SMARCA2: variants seen among roughly 807,000 people sequenced by gnomAD.
SMARCA2 encodes SWI/SNF-related matrix-associated actin-dependent regulator of chromatin subfamily A member 2.
In SMARCA2, 61 loss-of-function variants were observed where a neutral mutation model predicts 199.8. That is an observed-to-expected ratio of 0.31 (90% CI 0.25 to 0.38). The LOEUF is 0.38. Among genes scored for constraint, SMARCA2 ranks in the 10% least tolerant of loss-of-function variants. The pLI is 1.00. For synonymous variants in SMARCA2, 935 were observed against 732.0 expected, an observed-to-expected ratio of 1.28 and a Z score of -4.48; for missense variants, 1,344 against 2,012.2, an observed-to-expected ratio of 0.67 and a Z score of 6.35.
intron 4 of SMARCA2, chr9:2,044,504 A>C (rs980341267): frequency 6.6e-6 from 1 of 152,246 alleles, no homozygotes; most frequent in East Asian, 1.9e-4. Flanking sequence ...AGCTGAGTCA[A>C]TTAGGCTTCT....
At chr9:2,181,878 G>C (rs776681313) in intron 30 of SMARCA2, among the ~76,000 whole-genome samples, 1 of 152,130 alleles carries the variant, frequency 6.6e-6, no homozygotes, top group Non-Finnish European at 1.5e-5. Flanking sequence ...TTATTGAAGA[G>C]CTTTCAGGCT....
chr9:2,102,131 AAG>A (rs1822543515), intron 22 of SMARCA2, among the ~76,000 whole-genome samples: 1 of 134,614 alleles, frequency 7.4e-6, no homozygotes, highest in Admixed American at 7.7e-5. Context: ...CATTAACAGA[AAG>A]TGTGTGTGTG....
intron 23 of SMARCA2, among the ~76,000 whole-genome samples, chr9:2,106,983 A>G (rs1822779781): frequency 6.6e-6 from 1 of 152,240 alleles, no homozygotes; most frequent in Non-Finnish European, 1.5e-5. Flanking sequence ...CTGAAAGACC[A>G]TGAAACTGAT....
chr9:2,054,069 G>C (rs1309172132), intron 5 of SMARCA2, among the ~76,000 whole-genome samples: 1 of 152,138 alleles, frequency 6.6e-6, no homozygotes, highest in African/African-American at 2.4e-5. Flanking sequence ...GAATGTTTAG[G>C]GTTGGCTGAT....
intron 12 of SMARCA2, 107 bp downstream of exon 12, chr9:2,073,730 C>G: frequency 3.8e-6 from 3 of 794,874 alleles, no homozygotes; most frequent in Non-Finnish European, 6.3e-6. Context: ...ATTTCTTCCT[C>G]CAGGATTGGC....
intron 28 of SMARCA2, among the ~76,000 whole-genome samples, chr9:2,168,725 T>A (rs928596344): frequency 6.6e-6 from 1 of 152,222 alleles, no homozygotes. Context: ...TAGTTATTAT[T>A]TTTTGTTGCT....
intron 19 of SMARCA2, among the ~76,000 whole-genome samples, chr9:2,089,791 G>A (rs1477393243): frequency 6.6e-6 from 1 of 152,136 alleles, no homozygotes; most frequent in African/African-American, 2.4e-5. Context: ...TGATGAATGG[G>A]TATAGTGGCC....
Position 2,086,510 on chromosome 9 carries a change from C to T in SMARCA2, c.2527-319C>T, listed in dbSNP as rs552848637. Reference sequence around the variant, plus strand: ...CATGATAACGTATTAATAGAAGGGGCATTGGATGGGGAGAGGCAGGATCCA... The same window carrying T: ...CATGATAACGTATTAATAGAAGGGGTATTGGATGGGGAGAGGCAGGATCCA... On this transcript the variant is annotated intron_variant, in intron 17 of 33. Coordinates refer to ENST00000349721, the MANE Select transcript of SMARCA2 (RefSeq NM_003070.5). This position sits in a 1 kb window ranked among gnomAD's most constrained non-coding sequence, Gnocchi z 4.3. Among the ~76,000 whole-genome samples the T allele has an allele frequency of 6.6e-6, 1 of 152,196 alleles. No individual in the cohort carries two copies. Among genetic ancestry groups the T allele is most frequent in the African/African-American group, 2.4e-5 (1 of 41,520 alleles).
Position 2,123,794 on chromosome 9 carries a change from C to T in SMARCA2, c.3838C>T (p.Leu1280=). The T allele has an allele frequency of 6.2e-7, 1 of 1,613,794 alleles. No homozygotes were observed. The highest frequency in any genetic ancestry group is 8.5e-7 in the Non-Finnish European group (1 of 1,179,828). Residue 1280 remains leucine, a synonymous_variant, in exon 27 of 34, where the codon CTG becomes TTG. Transcript: ENST00000349721. This position sits in a 1 kb window ranked among gnomAD's most constrained non-coding sequence, Gnocchi z 4.1. ...GCCCCGTTTAATGGAGGAGGATGAG[C>T]TGCCCTCCTGGATCATTAAGGATGA... The part of the protein sequence containing the change: ...RKPRLMEEDE[L]PSWIIKDDAE...
intron 27 of SMARCA2, among the ~76,000 whole-genome samples, chr9:2,157,482 A>C (rs1170895966): frequency 6.6e-6 from 1 of 152,202 alleles, no homozygotes; most frequent in Admixed American, 6.5e-5. Flanking sequence ...AGGGAGGAGG[A>C]TCCCCAGAGG....
intron 9 of SMARCA2, among the ~76,000 whole-genome samples, chr9:2,070,158 G>T (rs958517208): frequency 1.3e-5 from 2 of 152,118 alleles, no homozygotes; most frequent in Non-Finnish European, 1.5e-5. Context: ...AGCTCTTTGG[G>T]TCCCTGAAGA....
At chr9:2,019,306 G>A (rs1269373425) in intron 1 of SMARCA2, among the ~76,000 whole-genome samples, 2 of 152,164 alleles carry the variant, frequency 1.3e-5, no homozygotes, top group African/African-American at 2.4e-5. Flanking sequence ...TTTCTCTTAT[G>A]ACTTATATCA....
intron 1 of SMARCA2, among the ~76,000 whole-genome samples, chr9:2,027,450 A>G (rs1159880020): frequency 6.6e-6 from 1 of 152,234 alleles, no homozygotes; most frequent in African/African-American, 2.4e-5. Context: ...TAAAAATATG[A>G]AAAATTAAAA....
At position 2,070,418 on chromosome 9, in the gene SMARCA2, A is replaced by T; in HGVS notation, c.1693A>T (p.Lys565Ter). ...EKKKRRRRKKKAEENAEGGES... is the reference protein window; with the variant it reads ...EKKKRRRRKK ...AACATTCGACATTGTTGTTTTGCAG[A>T]AGGCTGAGGAGAATGCAGAGGGTGG... Residue 565 changes from lysine (K) to a stop codon, truncating the protein, a stop_gained and splice_region_variant, in exon 10 of 34, where the codon AAG becomes TAG. Coordinates refer to ENST00000349721, the MANE Select transcript of SMARCA2 (RefSeq NM_003070.5). LOFTEE classifies it high-confidence loss of function. 6.2e-7 allele frequency: 1 copy of T among 1,613,774 alleles called. No individual in the cohort carries two copies. Among genetic ancestry groups the T allele is most frequent in the Non-Finnish European group, 8.5e-7 (1 of 1,179,732 alleles).
intron 17 of SMARCA2, among the ~76,000 whole-genome samples, chr9:2,084,472 C>T (rs1054846170): frequency 3.4e-5 from 5 of 148,004 alleles, no homozygotes; most frequent in African/African-American, 1.2e-4. Context: ...GATGAGTTTA[C>T]ATCTCTTAAA....
chr9:2,032,196 A>G (rs1453522377), intron 2 of SMARCA2, among the ~76,000 whole-genome samples: 1 of 152,210 alleles, frequency 6.6e-6, no homozygotes, highest in Non-Finnish European at 1.5e-5. Context: ...AATTGCTATT[A>G]CAGTTTGGGG....
At position 2,065,443 on chromosome 9, in the gene SMARCA2, G is replaced by GTC. The variant is rs138578190; in HGVS notation, c.1692+4473_1692+4474dup. 5.3e-3 allele frequency among the ~76,000 whole-genome samples: 791 copies of GTC among 150,430 alleles called. 17 individuals are homozygous for GTC. Among genetic ancestry groups the GTC allele is most frequent in the Non-Finnish European group, 4.9e-3 (328 of 67,390 alleles). On this transcript the variant is annotated intron_variant, in intron 9 of 33. Transcript: ENST00000349721. ...TTCTTTCTGAAAGTTCTTTTATCCT[G>GTC]TCTCTCTCTCTCTCTCTTTCTCCTT...
At chr9:2,116,135 C>G in intron 25 of SMARCA2, 86 bp downstream of exon 25, 1 of 980,640 alleles carries the variant, frequency 1.0e-6, no homozygotes, top group Non-Finnish European at 1.6e-6. Flanking sequence ...GTTTAAAAAA[C>G]TTCCTGGGCT....
intron 27 of SMARCA2, among the ~76,000 whole-genome samples, 166 bp downstream of exon 27, chr9:2,124,103 AT>A (rs1450548958): frequency 6.6e-6 from 1 of 152,204 alleles, no homozygotes; most frequent in Non-Finnish European, 1.5e-5. Context: ...GCATAAAGTC[AT>A]TGTGCTGTTG....
Sources: gnomAD v4.1 joint callset for allele counts (sites outside exome capture counted in the v4.1 genomes callset) on GRCh38, gnomAD v4.1.1 for gene constraint, Gnocchi (gnomAD v3.1) non-coding constraint, MANE v1.5 for transcripts, NCBI Gene and HGNC (gene_info 2026-07-23, HGNC 2026-07-21) for gene names.